Variants in VKORC1L1 observed in about 807,000 individuals in gnomAD.
VKORC1L1 encodes the protein vitamin K epoxide reductase complex subunit 1-like protein 1.
In VKORC1L1, 2 loss-of-function variants were observed where a neutral mutation model predicts 18.9. The ratio of observed to expected loss-of-function variants is 0.11; its 90% CI spans 0.04 to 0.33. The LOEUF (loss-of-function observed/expected upper bound fraction) is 0.33, where lower values mean the gene tolerates loss of function less well. Ranked by LOEUF, VKORC1L1 falls within the 10% of genes least tolerant of loss-of-function variation. The pLI is 1.00. For synonymous variants in VKORC1L1, 96 were observed against 100.0 expected (o/e 0.96, Z 0.24); for missense variants, 123 against 224.1 (o/e 0.55, Z 2.88).
chr7:65,949,003 C>A (rs528603433), intron 2 of VKORC1L1, among the ~76,000 whole-genome samples: 2 of 152,204 alleles, frequency 1.3e-5, no homozygotes, highest in South Asian at 4.1e-4. Context: ...CTCATGATGT[C>A]CAGAAAAACC....
chr7:65,936,488 G>T (rs1374125231), intron 1 of VKORC1L1, among the ~76,000 whole-genome samples: 1 of 152,188 alleles, frequency 6.6e-6, no homozygotes, highest in Non-Finnish European at 1.5e-5. Context: ...CCTTCTGTGG[G>T]TGATGGGTTC....
intron 1 of VKORC1L1, among the ~76,000 whole-genome samples, chr7:65,917,913 G>A (rs969532105): frequency 6.6e-6 from 1 of 152,094 alleles, no homozygotes; most frequent in African/African-American, 2.4e-5. Flanking sequence ...TGCCTACCAG[G>A]GAACATTTGA....
intron 1 of VKORC1L1, among the ~76,000 whole-genome samples, chr7:65,896,585 T>G (rs1583832224): frequency 1.1e-5 from 1 of 93,922 alleles, no homozygotes; most frequent in Non-Finnish European, 2.0e-5. Context: ...CCTCCCTCCC[T>G]CCCTCCTTCC....
At chr7:65,869,835 T>C (rs1368205110), upstream of VKORC1L1, among the ~76,000 whole-genome samples, 3 of 151,736 alleles carry the variant, frequency 2.0e-5, no homozygotes, top group African/African-American at 4.8e-5. Context: ...TTTTATTTTT[T>C]GTAGAGATGG....
chr7:65,871,529 T>C (rs1788725982), upstream of VKORC1L1, among the ~76,000 whole-genome samples: 1 of 152,186 alleles, frequency 6.6e-6, no homozygotes, highest in African/African-American at 2.4e-5. Flanking sequence ...AGCAATAGAC[T>C]TCGTAAAAGT....
At chr7:65,913,986 G>A (rs1170255773) in intron 1 of VKORC1L1, among the ~76,000 whole-genome samples, 2 of 152,018 alleles carry the variant, frequency 1.3e-5, no homozygotes, top group Non-Finnish European at 2.9e-5. Context: ...AATTGGAATG[G>A]CCTCTTGACA....
chr7:65,867,416 A>G, the VKORC1L1 span, among the ~76,000 whole-genome samples: 1 of 152,178 alleles, frequency 6.6e-6, no homozygotes, highest in African/African-American at 2.4e-5. Context: ...CTCTTATTGC[A>G]TAATATATAA....
At chr7:65,933,215 T>C (rs943533717) in intron 1 of VKORC1L1, among the ~76,000 whole-genome samples, 1 of 151,920 alleles carries the variant, frequency 6.6e-6, no homozygotes, top group Non-Finnish European at 1.5e-5. Context: ...TGTCCATTAC[T>C]GAGAGAGAGA....
chr7:65,888,402 T>G (rs911248292), intron 1 of VKORC1L1, among the ~76,000 whole-genome samples: 15 of 152,180 alleles, frequency 9.9e-5, no homozygotes, highest in Non-Finnish European at 2.1e-4. Context: ...TAGTTAAGCT[T>G]AAATTGTTTC....
intron 1 of VKORC1L1, among the ~76,000 whole-genome samples, chr7:65,929,529 C>T (rs956035863): frequency 1.3e-5 from 2 of 151,956 alleles, no homozygotes; most frequent in South Asian, 2.1e-4. Flanking sequence ...TTTACAACAT[C>T]TTGAAGTTAG....
At chr7:65,952,001 A>G (rs1232222659) in intron 2 of VKORC1L1, among the ~76,000 whole-genome samples, 1 of 152,190 alleles carries the variant, frequency 6.6e-6, no homozygotes, top group East Asian at 1.9e-4. Flanking sequence ...CATTTAATGG[A>G]TATCTGGTAT....
In VKORC1L1 at chr7:65,874,773, C is replaced by G. The variant is rs569068036; in HGVS notation, c.194+1208C>G. Reference sequence around the variant, plus strand: ...GTGAGCCAAGACCACACCATTGCACCCCAGCCTGGGCAACAGAATGAGACT... The same window carrying G: ...GTGAGCCAAGACCACACCATTGCACGCCAGCCTGGGCAACAGAATGAGACT... On this transcript the variant is annotated intron_variant, in intron 1 of 2. Coordinates refer to ENST00000360768, the MANE Select transcript of VKORC1L1 (RefSeq NM_173517.6). Among the ~76,000 whole-genome samples, 285 of 151,782 alleles carry G rather than the reference C, an allele frequency of 1.9e-3. 3 individuals are homozygous for G. The highest frequency in any genetic ancestry group is 6.7e-3 in the African/African-American group (278 of 41,416).
chr7:65,908,307 G>A (rs1171925466), intron 1 of VKORC1L1, among the ~76,000 whole-genome samples: 1 of 152,138 alleles, frequency 6.6e-6, no homozygotes, highest in Admixed American at 6.5e-5. Context: ...CCAGCTACTT[G>A]GGAGCTGAGG....
At chr7:65,885,402 T>G (rs1178496078) in intron 1 of VKORC1L1, among the ~76,000 whole-genome samples, 1 of 152,140 alleles carries the variant, frequency 6.6e-6, no homozygotes, top group Non-Finnish European at 1.5e-5. Flanking sequence ...TGGTCAGATC[T>G]TTCACTTAAA....
chr7:65,929,377 A>G (rs1203094750), intron 1 of VKORC1L1, among the ~76,000 whole-genome samples: 3 of 152,130 alleles, frequency 2.0e-5, no homozygotes, highest in Non-Finnish European at 4.4e-5. Context: ...GCGCCACTGC[A>G]CTGTAGCCTG....
At position 65,873,260 on chromosome 7, in the gene VKORC1L1, TGGCGGCGGCGGCGGAGGCGGCGGTGGC is replaced by T; in HGVS notation, c.-106_-80del. 1 of 916,454 alleles carries T rather than the reference TGGCGGCGGCGGCGGAGGCGGCGGTGGC, an allele frequency of 1.1e-6. No homozygotes were observed. Among genetic ancestry groups the T allele is most frequent in the Non-Finnish European group, 1.3e-6 (1 of 783,348 alleles). The allele number at this position is 916,454 out of a possible 1,614,324, so 56.8% of individuals were successfully genotyped here. On this transcript the variant is annotated 5_prime_UTR_variant, in exon 1 of 3. Transcript: ENST00000360768. ...GGCGCGGCGGCGGCGGCGGCGGTGG[TGGCGGCGGCGGCGGAGGCGGCGGTGGC>T]GGCGGTGGCGGCTGGGTCGGGCCCC... is the stretch of plus-strand genomic sequence containing the variant.
rs374627159 is a variant in VKORC1L1, at chr7:65,875,780, A to G, written c.194+2215A>G. Among the ~76,000 whole-genome samples, 4 of 152,250 alleles carry G rather than the reference A, an allele frequency of 2.6e-5. No homozygotes were observed. The East Asian group carries it at 5.8e-4, about 22-fold the overall frequency. ...TCAAGTTAGTTTTTTTTGAGTGGTG[A>G]TTGCCATGTAGCAGTAGTACTCAAA... On this transcript the variant is annotated intron_variant, in intron 1 of 2. Transcript: ENST00000360768.
chr7:65,942,525 T>C (rs1562655274), intron 1 of VKORC1L1, among the ~76,000 whole-genome samples: 1 of 151,690 alleles, frequency 6.6e-6, no homozygotes, highest in African/African-American at 2.4e-5. Flanking sequence ...TGTTGAATTT[T>C]TTTCTTTTCT....
At chr7:65,945,886 T>C (rs1466258843) in intron 1 of VKORC1L1, among the ~76,000 whole-genome samples, 3 of 151,724 alleles carry the variant, frequency 2.0e-5, no homozygotes, top group Non-Finnish European at 2.9e-5. Flanking sequence ...CATGATAATT[T>C]TGGCAGTATG....
Sources: allele counts gnomAD v4.1 joint callset (sites outside exome capture counted in the v4.1 genomes callset), GRCh38; gene constraint gnomAD v4.1.1; transcripts MANE v1.5; gene names NCBI Gene and HGNC (gene_info 2026-07-23, HGNC 2026-07-21).